Variants in NRXN3 observed in about 807,000 individuals in gnomAD.
NRXN3 encodes the protein neurexin III.
Under a neutral mutation model 137.6 loss-of-function variants are expected in NRXN3, and 32 were observed. The ratio of observed to expected loss-of-function variants is 0.23; its 90% CI spans 0.18 to 0.31. The LOEUF (loss-of-function observed/expected upper bound fraction) is 0.31. Ranked by LOEUF, NRXN3 falls within the 10% of genes least tolerant of loss-of-function variation. The probability of loss-of-function intolerance (pLI) is 1.00; values close to 1 mark genes in which losing one functional copy is unlikely to be tolerated. For missense variants in NRXN3, 1,574 were observed against 2,062.5 expected, an observed-to-expected ratio of 0.76 and a Z score of 4.59; for synonymous variants, 798 against 784.5, an observed-to-expected ratio of 1.02 and a Z score of -0.29.
intron 4 of NRXN3, among the ~76,000 whole-genome samples, chr14:78,602,875 G>A (rs1167005248): frequency 6.6e-6 from 1 of 152,114 alleles, no homozygotes; most frequent in African/African-American, 2.4e-5. Context: ...CCTTAGCTAG[G>A]GAAGGGATGG....
intron 10 of NRXN3, among the ~76,000 whole-genome samples, chr14:78,812,819 G>C (rs2098918382): frequency 6.6e-6 from 1 of 152,122 alleles, no homozygotes; most frequent in African/African-American, 2.4e-5. Context: ...TTGTTTTTGA[G>C]ATTTTCACAA....
chr14:79,070,073 A>G (rs148264739), intron 15 of NRXN3, among the ~76,000 whole-genome samples: 244 of 152,254 alleles, frequency 1.6e-3, no homozygotes, highest in Non-Finnish European at 2.6e-3. Flanking sequence ...CATTTGGGAA[A>G]CCAATGTCAC....
chr14:78,328,113 A>C (rs2080326497), intron 4 of NRXN3, among the ~76,000 whole-genome samples: 1 of 152,160 alleles, frequency 6.6e-6, no homozygotes, highest in Non-Finnish European at 1.5e-5. Context: ...AACAAAGCCG[A>C]CACACAGGGG....
At chr14:79,170,459 A>G (rs948886513) in intron 15 of NRXN3, among the ~76,000 whole-genome samples, 1 of 152,142 alleles carries the variant, frequency 6.6e-6, no homozygotes, top group South Asian at 2.1e-4. Context: ...ACAGTTATGC[A>G]GAAAATAAAG....
intron 4 of NRXN3, among the ~76,000 whole-genome samples, chr14:78,367,249 T>G (rs1044974134): frequency 6.6e-6 from 1 of 152,182 alleles, no homozygotes; most frequent in Non-Finnish European, 1.5e-5. Flanking sequence ...TTTCTGGCTT[T>G]TTCTTGCTTA....
At chr14:79,114,652 T>C (rs1414523711) in intron 15 of NRXN3, among the ~76,000 whole-genome samples, 1 of 152,194 alleles carries the variant, frequency 6.6e-6, no homozygotes, top group African/African-American at 2.4e-5. Flanking sequence ...ATGCACATAC[T>C]GGATTCCTTT....
intron 19 of NRXN3, among the ~76,000 whole-genome samples, chr14:79,753,076 G>T (rs1357618817): frequency 6.6e-6 from 1 of 151,284 alleles, no homozygotes; most frequent in African/African-American, 2.4e-5. Flanking sequence ...AACAACAGGT[G>T]CTGGAGAGGA....
chr14:79,426,019 G>GAA (rs2095650296), intron 15 of NRXN3, among the ~76,000 whole-genome samples: 1 of 151,966 alleles, frequency 6.6e-6, no homozygotes, highest in Admixed American at 6.6e-5. Context: ...GAGAGAGAGA[G>GAA]AAATAGATTC....
intron 15 of NRXN3, among the ~76,000 whole-genome samples, chr14:78,993,834 ATTTTTTTTTT>A (rs58170856): frequency 9.1e-4 from 61 of 66,990 alleles, no homozygotes; most frequent in African/African-American, 2.2e-3. Context: ...GAGCCTTGAA[ATTTTTTTTTT>A]TTTTTTTTTT....
intron 4 of NRXN3, among the ~76,000 whole-genome samples, chr14:78,426,868 G>A (rs1003542901): frequency 3.3e-5 from 5 of 152,118 alleles, no homozygotes; most frequent in African/African-American, 1.2e-4. Flanking sequence ...ACAGACCATG[G>A]GAACTGAGCC....
intron 4 of NRXN3, among the ~76,000 whole-genome samples, chr14:78,503,494 A>G (rs2095919510): frequency 6.6e-6 from 1 of 152,128 alleles, no homozygotes; most frequent in South Asian, 2.1e-4. Context: ...TGGGATCGTG[A>G]TCTTCAGAAC....
chr14:79,295,211 A>G (rs1234277231), intron 15 of NRXN3, among the ~76,000 whole-genome samples: 1 of 151,810 alleles, frequency 6.6e-6, no homozygotes, highest in African/African-American at 2.4e-5. Flanking sequence ...TCTTGCTACT[A>G]CCATAGTGCC....
At chr14:79,178,042 A>T (rs960138822) in intron 15 of NRXN3, among the ~76,000 whole-genome samples, 4 of 152,246 alleles carry the variant, frequency 2.6e-5, no homozygotes, top group Non-Finnish European at 5.9e-5. Flanking sequence ...GAAGAGGGAC[A>T]AAGAGAGAGG....
At chr14:79,696,293 G>A (rs1263160755) in intron 18 of NRXN3, among the ~76,000 whole-genome samples, 1 of 151,760 alleles carries the variant, frequency 6.6e-6, no homozygotes, top group Non-Finnish European at 1.5e-5. Context: ...TTATAATTTT[G>A]TTAAAAACCC....
chr14:79,072,886 CTT>C (rs11424011), intron 15 of NRXN3, among the ~76,000 whole-genome samples: 5 of 139,214 alleles, frequency 3.6e-5, no homozygotes, highest in African/African-American at 5.2e-5. Context: ...CTCTCTCTCT[CTT>C]TTTTTTTTTT....
At chr14:78,644,515 T>C (rs2097667520) in intron 4 of NRXN3, among the ~76,000 whole-genome samples, 1 of 152,194 alleles carries the variant, frequency 6.6e-6, no homozygotes, top group African/African-American at 2.4e-5. Context: ...AAATTAATTC[T>C]CTTCCCCTCT....
chr14:79,168,366 G>T (rs981391431), intron 15 of NRXN3, among the ~76,000 whole-genome samples: 1 of 151,874 alleles, frequency 6.6e-6, no homozygotes, highest in African/African-American at 2.4e-5. Context: ...TCACATATTA[G>T]ATCTCAATAG....
intron 16 of NRXN3, among the ~76,000 whole-genome samples, chr14:79,617,922 A>AAAAAAAAAAAAAAAAAAAACAAACAAAC (rs1177090635): frequency 1.3e-5 from 2 of 150,318 alleles, no homozygotes; most frequent in African/African-American, 5.0e-5. Context: ...AGCAGCAAAA[A>AAAAAAAAAAAAAAAAAAAACAAACAAAC]AAAAAAAAAA....
intron 4 of NRXN3, among the ~76,000 whole-genome samples, chr14:78,630,066 C>A (rs1189641445): frequency 6.6e-6 from 1 of 152,136 alleles, no homozygotes; most frequent in Non-Finnish European, 1.5e-5. Flanking sequence ...GAATGACCAG[C>A]CTTCCTGGTT....
Sources: gnomAD v4.1 joint callset for allele counts (sites outside exome capture counted in the v4.1 genomes callset) on GRCh38, gnomAD v4.1.1 for gene constraint, MANE v1.5 for transcripts, NCBI Gene and HGNC (gene_info 2026-07-23, HGNC 2026-07-21) for gene names.